Variants in SNCG observed in about 807,000 individuals in gnomAD.
SNCG encodes synuclein gamma, also known as gamma-synuclein.
A neutral mutation model predicts 16.0 loss-of-function variants in SNCG; 13 were observed. The ratio of observed to expected loss-of-function variants is 0.81; its 90% CI spans 0.53 to 1.29. SNCG has a LOEUF of 1.29. Among genes scored for constraint, SNCG ranks in the 50% most tolerant of loss-of-function variants. The pLI is 0.00. For missense variants in SNCG, 154 were observed against 168.5 expected (o/e 0.91, Z 0.48); for synonymous variants, 66 against 66.3 (o/e 1.00, Z 0.02).
upstream of SNCG, chr10:86,958,081 C>G (rs1844266823): frequency 1.7e-5 from 17 of 985,254 alleles, no homozygotes; most frequent in South Asian, 8.0e-4. Flanking sequence ...CCCACCCCCA[C>G]CCACCTCAGA....
chr10:86,962,268 G>A (rs939749013), intron 3 of SNCG, among the ~76,000 whole-genome samples: 48 of 152,164 alleles, frequency 3.2e-4, no homozygotes, highest in African/African-American at 9.9e-4. Flanking sequence ...GGGGCTTCAG[G>A]GGCCTCTGCC....
chr10:86,956,902 C>T (rs1252456425), upstream of SNCG, among the ~76,000 whole-genome samples: 8 of 152,218 alleles, frequency 5.3e-5, no homozygotes, highest in Admixed American at 3.9e-4. Flanking sequence ...TGAGGCAGAG[C>T]GCCCTGGACT....
rs767407095 is a variant in SNCG, at chr10:86,959,693, A to G, written c.163+19A>G. On this transcript the variant is annotated intron_variant, in intron 2 of 4. Coordinates refer to ENST00000372017, the MANE Select transcript of SNCG (RefSeq NM_003087.3). This position sits in a 1 kb window ranked among gnomAD's most constrained non-coding sequence, Gnocchi z 4.3. ...ACCTCAGGTGAGAAGCCCCAGGGCC[A>G]GGGGACACATGGGGGATAGGACCCC... The G allele has an allele frequency of 8.8e-6, 14 of 1,598,242 alleles. No individual in the cohort carries two copies. The highest frequency in any genetic ancestry group is 8.5e-7 in the Non-Finnish European group (1 of 1,171,576).
chr10:86,958,259 C>T (rs1844270172), upstream of SNCG: 1 of 975,530 alleles, frequency 1.0e-6, no homozygotes. Flanking sequence ...CCTCCCCTCT[C>T]TGTGCCTGTC....
chr10:86,961,069 C>T (rs956489939), intron 3 of SNCG, among the ~76,000 whole-genome samples: 2 of 152,066 alleles, frequency 1.3e-5, no homozygotes, highest in Non-Finnish European at 2.9e-5. Flanking sequence ...GTCCAGCTCT[C>T]CTACCTGCTC....
chr10:86,959,533 C>A lies in SNCG; in HGVS notation c.122-100C>A, dbSNP rs571062420. On this transcript the variant is annotated intron_variant, in intron 1 of 4. Coordinates refer to ENST00000372017, the MANE Select transcript of SNCG (RefSeq NM_003087.3). This position sits in a 1 kb window ranked among gnomAD's most constrained non-coding sequence, Gnocchi z 4.3. ...CCCCCAGACACCATCCTTACCCCCCCACCGACCCCACAGTTTGTCCAGCTG... is the reference window on the plus strand; with the variant it reads ...CCCCCAGACACCATCCTTACCCCCCAACCGACCCCACAGTTTGTCCAGCTG... 1,586 of 1,061,124 alleles carry A rather than the reference C, an allele frequency of 1.5e-3. 8 individuals carry two copies. The highest frequency in any genetic ancestry group is 1.8e-3 in the Non-Finnish European group (1,276 of 692,638). The allele number at this position is 1,061,124 out of a possible 1,614,324, so 65.7% of individuals were successfully genotyped here. A position where few individuals can be genotyped will look rare whatever the true frequency, so the allele number is the denominator to read the frequency against.
Position 86,958,607 on chromosome 10 carries a change from C to T in SNCG, c.-91C>T. ...CAATAGGAGGCATCGGGGACAGCCG[C>T]TGCGGCAGCACTCGAGCCAGCTCAA... On this transcript the variant is annotated 5_prime_UTR_variant, in exon 1 of 5. Coordinates refer to ENST00000372017, the MANE Select transcript of SNCG (RefSeq NM_003087.3). 1 of 1,585,538 alleles carries T rather than the reference C, an allele frequency of 6.3e-7. No homozygotes were observed. The highest frequency in any genetic ancestry group is 8.6e-7 in the Non-Finnish European group (1 of 1,168,328).
chr10:86,957,234 T>G, upstream of SNCG: 7 of 859,096 alleles, frequency 8.1e-6, no homozygotes, highest in Non-Finnish European at 1.1e-5. Flanking sequence ...GACTACTTTT[T>G]CAGCCTCACA....
chr10:86,958,871 C>G, intron 1 of SNCG, 53 bp downstream of exon 1: 3 of 1,542,388 alleles, frequency 1.9e-6, no homozygotes. Flanking sequence ...GGTGAGTGCC[C>G]AGTTACCTTC....
intron 3 of SNCG, among the ~76,000 whole-genome samples, chr10:86,961,355 C>T (rs1238693879): frequency 6.6e-6 from 1 of 152,128 alleles, no homozygotes; most frequent in Non-Finnish European, 1.5e-5. Context: ...GAGTGTCGGC[C>T]TCCCTGGGCT....
At chr10:86,958,592 C>A, upstream of SNCG, 1 of 1,359,308 alleles carries the variant, frequency 7.4e-7, no homozygotes. Context: ...CAATAGGAGG[C>A]ATCGGGGACA....
rs1844280887 is a variant in SNCG, at chr10:86,958,702, A to T, written c.5A>T (p.Asp2Val). M[D>V]VFKKGFSIAK... The stretch of plus-strand genomic sequence containing the variant: ...GCACAACCCTGCACACCCACCATGG[A>T]TGTCTTCAAGAAGGGCTTCTCCATC... The change falls in exon 1 of 5, where the codon GAT (aspartate) becomes GTT (valine). Residue 2 changes from aspartate to valine, a missense_variant. By Grantham distance (152) the Asp-to-Val change is radical (BLOSUM62 -3). Coordinates refer to ENST00000372017, the MANE Select transcript of SNCG (RefSeq NM_003087.3). 2 of 1,613,880 alleles carry T rather than the reference A, an allele frequency of 1.2e-6. No individual in the cohort carries two copies. Among genetic ancestry groups the T allele is most frequent in the African/African-American group, 2.7e-5 (2 of 74,932 alleles).
In SNCG at chr10:86,962,615, G is replaced by A. The variant is rs775446079; in HGVS notation, c.303G>A (p.Arg101=). ...TTTGTCCCCTACAGGAGGACTTGAGGCCATCTGCCCCCCAACAGGAGGGTG... is the reference window on the plus strand; with the variant it reads ...TTTGTCCCCTACAGGAGGACTTGAGACCATCTGCCCCCCAACAGGAGGGTG... ...TSGVVRKEDL[R]PSAPQQEGEA... The change falls in exon 4 of 5, where the codon AGG becomes AGA. Residue 101 remains arginine, a synonymous_variant. Transcript: ENST00000372017. 16 of 1,612,206 alleles carry A rather than the reference G, an allele frequency of 9.9e-6. No individual in the cohort carries two copies. In the East Asian group the frequency reaches 3.6e-4, roughly 36 times the overall value.
Position 86,963,065 on chromosome 10 carries a change from C to T in SNCG, c.*80C>T, listed in dbSNP as rs1300139208. 17 of 1,420,322 alleles carry T rather than the reference C, an allele frequency of 1.2e-5. No individual in the cohort carries two copies. The highest frequency in any genetic ancestry group is 2.4e-5 in the East Asian group (1 of 41,064). The allele number at this position is 1,420,322 out of a possible 1,614,324, so 88.0% of individuals were successfully genotyped here. ...ATCCCCTCCTAGCACAAGGAGTGCC[C>T]GCCTTGAGTGACATGCGGCTGCCCA... On this transcript the variant is annotated 3_prime_UTR_variant, in exon 5 of 5. Coordinates refer to ENST00000372017, the MANE Select transcript of SNCG (RefSeq NM_003087.3).
chr10:86,957,089 C>A (rs1196562303), upstream of SNCG, among the ~76,000 whole-genome samples: 1 of 152,198 alleles, frequency 6.6e-6, no homozygotes, highest in Non-Finnish European at 1.5e-5. Context: ...CAGCCACAGT[C>A]CCCCAGTGCC....
upstream of SNCG, chr10:86,957,880 T>TG (rs1454367544): frequency 9.1e-7 from 1 of 1,101,698 alleles, no homozygotes; most frequent in East Asian, 7.0e-5. Context: ...GACTTCGAGG[T>TG]GGGGCCACAG....
upstream of SNCG, among the ~76,000 whole-genome samples, chr10:86,955,889 A>T (rs1271266426): frequency 6.6e-6 from 1 of 151,974 alleles, no homozygotes; most frequent in African/African-American, 2.4e-5. Flanking sequence ...AACCCCAGAG[A>T]AGGACTGCGG....
intron 3 of SNCG, among the ~76,000 whole-genome samples, chr10:86,961,318 G>C (rs1436663148): frequency 2.0e-5 from 3 of 152,122 alleles, no homozygotes; most frequent in Admixed American, 6.5e-5. Context: ...CTGGGCCTCC[G>C]TGTTCTCATC....
intron 3 of SNCG, among the ~76,000 whole-genome samples, chr10:86,961,536 G>A (rs888309843): frequency 6.6e-6 from 1 of 152,086 alleles, no homozygotes; most frequent in African/African-American, 2.4e-5. Flanking sequence ...GCCCTGGGGT[G>A]AGGGTGCCCG....
Sources: gnomAD v4.1 joint callset for allele counts (sites outside exome capture counted in the v4.1 genomes callset) on GRCh38, gnomAD v4.1.1 for gene constraint, Gnocchi (gnomAD v3.1) non-coding constraint, MANE v1.5 for transcripts, NCBI Gene and HGNC (gene_info 2026-07-23, HGNC 2026-07-21) for gene names.